TAFA1: variants seen among roughly 807,000 people sequenced by gnomAD.
TAFA1 encodes the protein chemokine-like protein TAFA-1.
Under a neutral mutation model 18.5 loss-of-function variants are expected in TAFA1, and 4 were observed. The observed-to-expected ratio is 0.22, with a 90% CI of 0.11 to 0.49. The LOEUF (loss-of-function observed/expected upper bound fraction) is 0.49. Among genes scored for constraint, TAFA1 ranks in the 20% least tolerant of loss-of-function variants. TAFA1 has a pLI of 0.98. For synonymous variants in TAFA1, 56 were observed against 55.2 expected (o/e 1.01, Z -0.06); for missense variants, 147 against 169.0 (o/e 0.87, Z 0.72).
intron 3 of TAFA1, among the ~76,000 whole-genome samples, chr3:68,488,164 G>A (rs2072382035): frequency 6.6e-6 from 1 of 152,126 alleles, no homozygotes; most frequent in South Asian, 2.1e-4. Flanking sequence ...CAATCACAAG[G>A]TGATGTCCCA....
intron 2 of TAFA1, among the ~76,000 whole-genome samples, chr3:68,186,614 C>G (rs2066275398): frequency 6.6e-6 from 1 of 152,026 alleles, no homozygotes; most frequent in Admixed American, 6.6e-5. Context: ...TATCCCATCC[C>G]CACCTGGAGA....
chr3:68,413,637 T>G (rs1361557240), intron 2 of TAFA1, among the ~76,000 whole-genome samples: 1 of 152,030 alleles, frequency 6.6e-6, no homozygotes, highest in Non-Finnish European at 1.5e-5. Flanking sequence ...GTTGAATACA[T>G]AAAACAATAA....
At chr3:68,396,034 A>G (rs1478505426) in intron 2 of TAFA1, among the ~76,000 whole-genome samples, 6 of 152,168 alleles carry the variant, frequency 3.9e-5, no homozygotes, top group Non-Finnish European at 5.9e-5. Context: ...CTTTGATATT[A>G]GCATTCTTTA....
intron 2 of TAFA1, among the ~76,000 whole-genome samples, chr3:68,260,820 G>C (rs1311635564): frequency 6.6e-6 from 1 of 152,068 alleles, no homozygotes; most frequent in Non-Finnish European, 1.5e-5. Flanking sequence ...AAAAATCCTA[G>C]AAGAAAACCT....
At chr3:68,409,085 C>T (rs1342909414) in intron 2 of TAFA1, among the ~76,000 whole-genome samples, 1 of 152,088 alleles carries the variant, frequency 6.6e-6, no homozygotes, top group Non-Finnish European at 1.5e-5. Context: ...GAATATAACT[C>T]ACAGTATGGT....
chr3:68,300,863 C>T (rs2068291725), intron 2 of TAFA1, among the ~76,000 whole-genome samples: 1 of 152,132 alleles, frequency 6.6e-6, no homozygotes. Flanking sequence ...AGGTGCCTTG[C>T]TTCCCCTTCC....
At chr3:68,310,431 C>A (rs1292629855) in intron 2 of TAFA1, among the ~76,000 whole-genome samples, 1 of 152,120 alleles carries the variant, frequency 6.6e-6, no homozygotes, top group African/African-American at 2.4e-5. Context: ...TGTTCTAAAT[C>A]TAAGAAAACT....
intron 2 of TAFA1, among the ~76,000 whole-genome samples, chr3:68,328,660 T>C (rs1491744): frequency 0.59 from 90,180 of 152,030 alleles, 27,602 homozygotes; most frequent in East Asian, 1. Flanking sequence ...ATGCAGTTTA[T>C]TTTGGAATTC....
chr3:68,254,967 C>A (rs940028194), intron 2 of TAFA1, among the ~76,000 whole-genome samples: 4 of 152,076 alleles, frequency 2.6e-5, no homozygotes, highest in African/African-American at 9.7e-5. Flanking sequence ...GCCACTTGGC[C>A]TCATTGAAAA....
chr3:68,161,649 T>C lies in TAFA1; in HGVS notation c.118+154905T>C, dbSNP rs374493842. 3.3e-5 allele frequency among the ~76,000 whole-genome samples: 5 copies of C among 152,360 alleles called. No individual in the cohort carries two copies. In the South Asian group the frequency reaches 1.0e-3, roughly 32 times the overall value. ...TAGGATGGAAATAAATGTTTGCTTA[T>C]ATCATTTTGCTAGTGAGAAAACTAG... is the stretch of plus-strand genomic sequence containing the variant. On this transcript the variant is annotated intron_variant, in intron 2 of 4. Transcript: ENST00000478136.
chr3:68,365,687 A>G (rs552827141), intron 2 of TAFA1, among the ~76,000 whole-genome samples: 2 of 152,346 alleles, frequency 1.3e-5, no homozygotes, highest in African/African-American at 4.8e-5. Flanking sequence ...TCACAGTTCT[A>G]TGTGGCTGGG....
chr3:68,426,445 A>G (rs896250456), intron 3 of TAFA1, among the ~76,000 whole-genome samples: 1 of 151,860 alleles, frequency 6.6e-6, no homozygotes, highest in East Asian at 1.9e-4. Flanking sequence ...CTGAACCTAA[A>G]TTTTTTAGCG....
At chr3:68,413,788 G>A (rs778188143) in intron 2 of TAFA1, among the ~76,000 whole-genome samples, 1 of 152,090 alleles carries the variant, frequency 6.6e-6, no homozygotes, top group Non-Finnish European at 1.5e-5. Flanking sequence ...GCTCATGAGT[G>A]CTTGCTAAGG....
At chr3:68,456,132 G>A (rs1184244810) in intron 3 of TAFA1, among the ~76,000 whole-genome samples, 1 of 152,082 alleles carries the variant, frequency 6.6e-6, no homozygotes, top group African/African-American at 2.4e-5. Context: ...CATCAATGGA[G>A]CCAATTCAGA....
intron 2 of TAFA1, among the ~76,000 whole-genome samples, chr3:68,367,063 T>C (rs1403067267): frequency 5.3e-5 from 8 of 152,200 alleles, no homozygotes; most frequent in African/African-American, 1.9e-4. Context: ...TTAAGATCAT[T>C]ATAAGGTGCT....
chr3:68,271,253 G>C (rs1157258611), intron 2 of TAFA1, among the ~76,000 whole-genome samples: 1 of 151,994 alleles, frequency 6.6e-6, no homozygotes, highest in Non-Finnish European at 1.5e-5. Context: ...TTTTCCTCCA[G>C]GTCATTCATT....
chr3:68,208,504 C>T (rs1018113928), intron 2 of TAFA1, among the ~76,000 whole-genome samples: 2 of 151,938 alleles, frequency 1.3e-5, no homozygotes, highest in African/African-American at 4.8e-5. Context: ...GCTTATGTCA[C>T]CAATCAGGAC....
At chr3:68,288,523 CTTTG>C (rs776281004) in intron 2 of TAFA1, among the ~76,000 whole-genome samples, 6 of 152,196 alleles carry the variant, frequency 3.9e-5, no homozygotes, top group South Asian at 2.1e-4. Context: ...GCTAGATTCC[CTTTG>C]TTTGTATTCT....
intron 3 of TAFA1, among the ~76,000 whole-genome samples, chr3:68,455,859 G>A (rs1490622774): frequency 6.6e-6 from 1 of 152,120 alleles, no homozygotes; most frequent in Non-Finnish European, 1.5e-5. Flanking sequence ...CTTTCACTGT[G>A]TTCTCTCTCA....
Sources: allele counts gnomAD v4.1 joint callset (sites outside exome capture counted in the v4.1 genomes callset), GRCh38; gene constraint gnomAD v4.1.1; transcripts MANE v1.5; gene names NCBI Gene and HGNC (gene_info 2026-07-23, HGNC 2026-07-21).